The following FLT1 variants were observed in gnomAD, a reference collection of about 807,000 sequenced individuals.
FLT1 encodes the protein fms related receptor tyrosine kinase 1.
In FLT1, 49 loss-of-function variants were observed where a neutral mutation model predicts 156.3. That is an observed-to-expected ratio of 0.31 (90% CI 0.25 to 0.40). The LOEUF (loss-of-function observed/expected upper bound fraction) is 0.40, where lower values mean the gene tolerates loss of function less well. Among genes scored for constraint, FLT1 ranks in the 10% least tolerant of loss-of-function variants. The probability of loss-of-function intolerance (pLI) is 1.00; values close to 1 mark genes in which losing one functional copy is unlikely to be tolerated. For synonymous variants in FLT1, 594 were observed against 583.8 expected (o/e 1.02, Z -0.25); for missense variants, 1,322 against 1,637.2 (o/e 0.81, Z 3.32).
chr13:28,373,052 G>A (rs1655199777), intron 14 of FLT1, among the ~76,000 whole-genome samples: 1 of 152,122 alleles, frequency 6.6e-6, no homozygotes, highest in Admixed American at 6.5e-5. Context: ...TAGAATGAGT[G>A]AGTGAATGTT....
At chr13:28,396,934 C>G (rs754704442) in intron 12 of FLT1, 26 bp downstream of exon 12, 2 of 1,298,278 alleles carry the variant, frequency 1.5e-6, no homozygotes, top group Non-Finnish European at 2.2e-6. Flanking sequence ...ACCAGGCTGT[C>G]TCTGGTTATA....
chr13:28,447,695 A>G (rs1264439078), intron 3 of FLT1, among the ~76,000 whole-genome samples: 4 of 152,094 alleles, frequency 2.6e-5, no homozygotes, highest in Non-Finnish European at 5.9e-5. Context: ...TGCAAATTAT[A>G]TATCTCATAA....
intron 1 of FLT1, among the ~76,000 whole-genome samples, chr13:28,486,439 C>T (rs139262288): frequency 2.6e-5 from 4 of 152,286 alleles, no homozygotes; most frequent in Admixed American, 1.3e-4. Context: ...TACGGAGGCC[C>T]GGATGGAGAG....
At chr13:28,443,211 G>C (rs141893692) in intron 3 of FLT1, among the ~76,000 whole-genome samples, 1 of 152,208 alleles carries the variant, frequency 6.6e-6, no homozygotes, top group African/African-American at 2.4e-5. Flanking sequence ...GAGTATCTGG[G>C]CTGTCACCTA....
intron 28 of FLT1, 78 bp downstream of exon 28, chr13:28,308,765 T>C: frequency 1.1e-6 from 1 of 877,520 alleles, no homozygotes. Context: ...ACTACTACAT[T>C]ACTGGCGTTG....
chr13:28,373,406 G>A (rs73453244), intron 14 of FLT1, among the ~76,000 whole-genome samples: 317 of 152,148 alleles, frequency 2.1e-3, no homozygotes, highest in African/African-American at 7.0e-3. Context: ...ATTTAGAGTC[G>A]TGGACTGAGT....
At position 28,322,151 on chromosome 13, in the gene FLT1, G is replaced by A. The variant is rs971477813; in HGVS notation, c.3051+111C>T. 6.4e-6 allele frequency: 5 copies of A among 775,744 alleles called. No homozygotes were observed. The highest frequency in any genetic ancestry group is 5.1e-5 in the African/African-American group (3 of 58,584). The allele number at this position is 775,744 out of a possible 1,614,324, so 48.1% of individuals were successfully genotyped here. On this transcript the variant is annotated intron_variant, in intron 22 of 29. Transcript: ENST00000282397. This position sits in a 1 kb window ranked among gnomAD's most constrained non-coding sequence, Gnocchi z 4.3. ...AATTAAGGCACTTGCAGTGGTGTTT[G>A]TTCTACATTTAAGAACATAGGTATC...
At chr13:28,325,674 C>T (rs1593681862) in intron 20 of FLT1, among the ~76,000 whole-genome samples, 1 of 151,810 alleles carries the variant, frequency 6.6e-6, no homozygotes, top group African/African-American at 2.4e-5. Flanking sequence ...ATTAGCTGGG[C>T]GTTGTGGCGG....
intron 1 of FLT1, among the ~76,000 whole-genome samples, chr13:28,494,351 C>A (rs1327017856): frequency 6.6e-6 from 1 of 152,350 alleles, no homozygotes; most frequent in East Asian, 1.9e-4. Flanking sequence ...CTTTCAGGAG[C>A]CTCTGCTCCC....
At chr13:28,333,978 G>A (rs1272045555) in intron 18 of FLT1, 47 bp downstream of exon 18, 3 of 1,153,948 alleles carry the variant, frequency 2.6e-6, no homozygotes, top group South Asian at 2.4e-5. Flanking sequence ...TTTAGGAAAT[G>A]CAAAATGGTG....
At chr13:28,357,835 C>T in intron 14 of FLT1, 150 bp from the exon 15 acceptor site, 2 of 574,234 alleles carry the variant, frequency 3.5e-6, no homozygotes, top group Admixed American at 2.8e-5. Flanking sequence ...TATTTGTTTT[C>T]TCTGGGTCCA....
intron 3 of FLT1, among the ~76,000 whole-genome samples, chr13:28,457,938 T>TTC (rs902818081): frequency 1.6e-4 from 23 of 143,540 alleles, no homozygotes; most frequent in Non-Finnish European, 3.2e-4. Flanking sequence ...CTTTTCTTTT[T>TTC]TTTTTTTTTT....
At chr13:28,382,375 T>C (rs1874115373) in intron 14 of FLT1, among the ~76,000 whole-genome samples, 1 of 152,208 alleles carries the variant, frequency 6.6e-6, no homozygotes. Context: ...GAATATAAAG[T>C]TATAAAATTC....
chr13:28,342,801 T>G (rs1315926033), intron 16 of FLT1, among the ~76,000 whole-genome samples: 2 of 152,202 alleles, frequency 1.3e-5, no homozygotes, highest in African/African-American at 4.8e-5. Flanking sequence ...ATAAAGAGCT[T>G]CCCATAAGAC....
chr13:28,479,224 A>G (rs895084853), intron 1 of FLT1, among the ~76,000 whole-genome samples: 2 of 152,206 alleles, frequency 1.3e-5, no homozygotes, highest in South Asian at 4.1e-4. Flanking sequence ...TCATAGGGGA[A>G]TTGAGTTTTT....
intron 19 of FLT1, among the ~76,000 whole-genome samples, chr13:28,329,208 G>A (rs1290768975): frequency 1.3e-5 from 2 of 152,178 alleles, no homozygotes; most frequent in Non-Finnish European, 2.9e-5. Flanking sequence ...TGGATCTGGA[G>A]GGAAGGGCCC....
chr13:28,313,908 A>AAAAAGAGAG, intron 25 of FLT1, among the ~76,000 whole-genome samples: 1 of 143,704 alleles, frequency 7.0e-6, no homozygotes, highest in Non-Finnish European at 1.5e-5. Context: ...AAAAAAAAAA[A>AAAAAGAGAG]AGAAGAATCC....
intron 3 of FLT1, among the ~76,000 whole-genome samples, chr13:28,460,207 C>A (rs1257708574): frequency 6.6e-6 from 1 of 152,196 alleles, no homozygotes; most frequent in African/African-American, 2.4e-5. Context: ...GCAACAGCCA[C>A]GCCTCACAGA....
chr13:28,318,479 T>C (rs1185397203), intron 24 of FLT1, among the ~76,000 whole-genome samples: 1 of 152,172 alleles, frequency 6.6e-6, no homozygotes, highest in Non-Finnish European at 1.5e-5. Flanking sequence ...ACTCTTGCTC[T>C]AGCCCTGCAG....
Sources: allele counts gnomAD v4.1 joint callset (sites outside exome capture counted in the v4.1 genomes callset), GRCh38; gene constraint gnomAD v4.1.1; non-coding constraint Gnocchi (gnomAD v3.1); transcripts MANE v1.5; gene names NCBI Gene and HGNC (gene_info 2026-07-23, HGNC 2026-07-21).